The following SORD variants were observed in gnomAD, a reference collection of about 807,000 sequenced individuals.
SORD encodes the protein sorbitol dehydrogenase, also known as (R,R)-butanediol dehydrogenase.
Under a neutral mutation model 35.6 loss-of-function variants are expected in SORD, and 18 were observed. The observed-to-expected ratio is 0.51, with a 90% confidence interval of 0.35 to 0.75. The LOEUF (loss-of-function observed/expected upper bound fraction) is 0.75, where lower values mean the gene tolerates loss of function less well. Ranked by LOEUF, SORD falls within the 30% of genes least tolerant of loss-of-function variation. The probability of loss-of-function intolerance (pLI) is 0.01; values close to 1 mark genes in which losing one functional copy is unlikely to be tolerated. For missense variants in SORD, 250 were observed against 390.2 expected (o/e 0.64, Z 3.03); for synonymous variants, 106 against 152.9 (o/e 0.69, Z 2.26).
intron 7 of SORD, 115 bp downstream of exon 7, chr15:45,069,167 ATC>A (rs1893462835): frequency 2.5e-6 from 1 of 398,514 alleles, no homozygotes; most frequent in Non-Finnish European, 4.1e-6. Context: ...AAACTTATTC[ATC>A]TTTTGCCATC....
intron 1 of SORD, among the ~76,000 whole-genome samples, chr15:45,037,443 A>T (rs896493979): frequency 4.6e-5 from 7 of 152,174 alleles, no homozygotes; most frequent in Admixed American, 6.5e-5. Context: ...AGGTCTGGCC[A>T]GGCTGGAGGC....
chr15:45,071,153 C>T (rs1432684665), intron 7 of SORD, among the ~76,000 whole-genome samples: 1 of 152,180 alleles, frequency 6.6e-6, no homozygotes, highest in Non-Finnish European at 1.5e-5. Flanking sequence ...GTGCAGATGC[C>T]ATACCTACAG....
chr15:45,051,696 C>T (rs1446899542), intron 3 of SORD, among the ~76,000 whole-genome samples: 2 of 152,126 alleles, frequency 1.3e-5, no homozygotes, highest in African/African-American at 2.4e-5. Flanking sequence ...TTCACCCTTG[C>T]GTTAGTCTAC....
rs536440539 is a variant in SORD at position 45,065,928 on chromosome 15, CA to C, written c.544+541del. Among the ~76,000 whole-genome samples, 23 of 151,130 alleles carry C rather than the reference CA, an allele frequency of 1.5e-4. 1 individual carries two copies. The East Asian group carries it at 4.5e-3, about 30-fold the overall frequency. On this transcript the variant is annotated intron_variant, in intron 5 of 8. Coordinates refer to ENST00000267814, the MANE Select transcript of SORD (RefSeq NM_003104.6). ...GAACAAGACCCTGTCTCAAAAAAAA[CA>C]AGACCCCATCTCAAAACAAACAAAC...
At chr15:45,049,448 G>A (rs1366088052) in intron 3 of SORD, among the ~76,000 whole-genome samples, 1 of 152,102 alleles carries the variant, frequency 6.6e-6, no homozygotes, top group Non-Finnish European at 1.5e-5. Flanking sequence ...TAACCTCTAG[G>A]CGAGAAAAAA....
intron 1 of SORD, among the ~76,000 whole-genome samples, chr15:45,028,027 G>A (rs1008617311): frequency 5.3e-5 from 8 of 152,198 alleles, no homozygotes; most frequent in African/African-American, 1.9e-4. Flanking sequence ...GCTGTGTCAC[G>A]TCAAAATGCT....
chr15:45,067,517 G>C (rs1893425818), intron 5 of SORD, among the ~76,000 whole-genome samples: 1 of 152,022 alleles, frequency 6.6e-6, no homozygotes, highest in Non-Finnish European at 1.5e-5. Flanking sequence ...TTGTTCTCGG[G>C]GTTGTGTACA....
At chr15:45,050,177 G>A (rs1333162281) in intron 3 of SORD, among the ~76,000 whole-genome samples, 3 of 152,168 alleles carry the variant, frequency 2.0e-5, no homozygotes, top group African/African-American at 2.4e-5. Flanking sequence ...TGCCTCCTGG[G>A]TTCATGCCAT....
rs1042097 is a variant in SORD, at chr15:45,073,564, T to C, written c.*34T>C. On this transcript the variant is annotated 3_prime_UTR_variant, in exon 9 of 9. Coordinates refer to ENST00000267814, the MANE Select transcript of SORD (RefSeq NM_003104.6). The stretch of plus-strand genomic sequence containing the variant: ...GGCTCTGCCCTCATCCCCACAGTCT[T>C]GGGATCTCAGGGCACAATGGCTGGA... 351,504 of 1,544,882 alleles carry C rather than the reference T, an allele frequency of 0.23. 12,804 individuals are homozygous for C. Among genetic ancestry groups the C allele is most frequent in the African/African-American group, 0.58 (38,775 of 66,520 alleles).
chr15:45,048,739 A>C (rs1277659175), intron 3 of SORD, among the ~76,000 whole-genome samples: 1 of 152,192 alleles, frequency 6.6e-6, no homozygotes, highest in Non-Finnish European at 1.5e-5. Flanking sequence ...GGTTGGAACG[A>C]AAGTTTAATA....
At chr15:45,064,548 G>A (rs1469071842) in intron 4 of SORD, among the ~76,000 whole-genome samples, 1 of 152,218 alleles carries the variant, frequency 6.6e-6, no homozygotes, top group Non-Finnish European at 1.5e-5. Context: ...AGGTGACACT[G>A]CATTTAATCA....
intron 1 of SORD, among the ~76,000 whole-genome samples, chr15:45,035,070 G>A (rs1892840409): frequency 6.6e-6 from 1 of 152,140 alleles, no homozygotes; most frequent in Non-Finnish European, 1.5e-5. Context: ...CTGCCTTCCC[G>A]CGGGGCAGGG....
At chr15:45,054,687 T>C (rs1244648487) in intron 3 of SORD, among the ~76,000 whole-genome samples, 2 of 152,352 alleles carry the variant, frequency 1.3e-5, no homozygotes, top group East Asian at 3.9e-4. Context: ...CTGTTGCCAT[T>C]GCTTTTGGTG....
At chr15:45,034,657 A>G (rs1892831781) in intron 1 of SORD, among the ~76,000 whole-genome samples, 1 of 152,188 alleles carries the variant, frequency 6.6e-6, no homozygotes, top group African/African-American at 2.4e-5. Context: ...AGAAGGTGAG[A>G]GGTGACAGCG....
chr15:45,029,030 A>C (rs1307511889), intron 1 of SORD, among the ~76,000 whole-genome samples: 1 of 152,260 alleles, frequency 6.6e-6, no homozygotes, highest in African/African-American at 2.4e-5. Context: ...GATTACCCTG[A>C]TAGTGATGAG....
intron 3 of SORD, among the ~76,000 whole-genome samples, chr15:45,046,895 G>A (rs1045841851): frequency 3.3e-5 from 5 of 152,124 alleles, no homozygotes; most frequent in African/African-American, 1.2e-4. Flanking sequence ...GCATGCATCT[G>A]TAATCCCAGC....
At chr15:45,061,786 T>G (rs539221639) in intron 4 of SORD, among the ~76,000 whole-genome samples, 35 of 152,144 alleles carry the variant, frequency 2.3e-4, no homozygotes, top group East Asian at 1.5e-3. Flanking sequence ...GGAGAATGGC[T>G]TGAACACGGG....
At chr15:45,028,749 G>A (rs1281398314) in intron 1 of SORD, among the ~76,000 whole-genome samples, 1 of 152,112 alleles carries the variant, frequency 6.6e-6, no homozygotes, top group Non-Finnish European at 1.5e-5. Context: ...TTATACCTTA[G>A]GTCAAAAGAA....
At chr15:45,026,939 TA>T (rs66524218) in intron 1 of SORD, among the ~76,000 whole-genome samples, 28,162 of 144,794 alleles carry the variant, frequency 0.19, no homozygotes, top group African/African-American at 0.44. Context: ...CCCTACTGCC[TA>T]AGGAGACTGC....
Sources: allele counts gnomAD v4.1 joint callset (sites outside exome capture counted in the v4.1 genomes callset), GRCh38; gene constraint gnomAD v4.1.1; transcripts MANE v1.5; gene names NCBI Gene and HGNC (gene_info 2026-07-23, HGNC 2026-07-21).